The following MAP4 variants were observed in gnomAD, a reference collection of about 807,000 sequenced individuals.
The protein encoded by MAP4 is microtubule associated protein 4.
Under a neutral mutation model 170.2 loss-of-function variants are expected in MAP4, and 76 were observed. The observed-to-expected ratio is 0.45, with a 90% CI of 0.37 to 0.54. The LOEUF (loss-of-function observed/expected upper bound fraction) is 0.54. Ranked by LOEUF, MAP4 falls within the 20% of genes least tolerant of loss-of-function variation. The pLI is 0.00. For synonymous variants in MAP4, 909 were observed against 994.5 expected, an observed-to-expected ratio of 0.91 and a Z score of 1.62; for missense variants, 2,506 against 2,748.0, an observed-to-expected ratio of 0.91 and a Z score of 1.97.
Position 48,048,506 on chromosome 3 carries a change from CTTTTTTTTTTTTTT to C in MAP4, c.-20+40253_-20+40266del, listed in dbSNP as rs67709674. On this transcript the variant is annotated intron_variant, in intron 1 of 18. Coordinates refer to the MAP4 transcript ENST00000360240. ...TCAGGTAGATCCAGATCTCAATTAT[CTTTTTTTTTTTTTT>C]TTTTTTTTTTTTTTGAGACAAAGTC... Among the ~76,000 whole-genome samples the C allele has an allele frequency of 6.0e-5, 4 of 66,964 alleles. 1 individual carries two copies. The highest frequency in any genetic ancestry group is 5.1e-5 in the Non-Finnish European group (2 of 39,560). 43.9% of individuals were successfully genotyped at this position (66,964 alleles called of 152,430 possible). A position where few individuals can be genotyped will look rare whatever the true frequency, so the allele number is the denominator to read the frequency against.
chr3:47,973,254 C>T, intron 3 of MAP4: 1 of 979,870 alleles, frequency 1.0e-6, no homozygotes, highest in Non-Finnish European at 1.2e-6. Flanking sequence ...CAACATTGGG[C>T]CAAAAAAGGA....
At chr3:48,077,496 GT>G (rs1261158009) in intron 1 of MAP4, among the ~76,000 whole-genome samples, 8 of 151,382 alleles carry the variant, frequency 5.3e-5, no homozygotes, top group African/African-American at 1.9e-4. Context: ...TAATTTTCTG[GT>G]TTTAATTTTT....
In MAP4 at chr3:48,062,262, A is replaced by T. The variant is rs372021825; in HGVS notation, c.-20+26511T>A. 9.2e-4 allele frequency among the ~76,000 whole-genome samples: 132 copies of T among 143,840 alleles called. 1 individual carries two copies. In the East Asian group the frequency reaches 0.022, roughly 23 times the overall value. 94.4% of individuals were successfully genotyped at this position (143,840 alleles called of 152,430 possible). A position where few individuals can be genotyped will look rare whatever the true frequency, so the allele number is the denominator to read the frequency against. On this transcript the variant is annotated intron_variant, in intron 1 of 18. Transcript: ENST00000360240. Reference sequence around the variant, plus strand: ...TCAGGGTTAAATGGATTAAGGGCGGAGCAAGATGTGCTTTGTTAAACAGAT... The same window carrying T: ...TCAGGGTTAAATGGATTAAGGGCGGTGCAAGATGTGCTTTGTTAAACAGAT...
At chr3:48,050,317 T>A (rs1288866994) in intron 1 of MAP4, among the ~76,000 whole-genome samples, 1 of 151,588 alleles carries the variant, frequency 6.6e-6, no homozygotes, top group Non-Finnish European at 1.5e-5. Flanking sequence ...AGAAAATATT[T>A]GTGTTACATG....
At chr3:48,083,370 TA>T (rs1298575823) in intron 1 of MAP4, among the ~76,000 whole-genome samples, 1 of 152,120 alleles carries the variant, frequency 6.6e-6, no homozygotes. Context: ...AAGTTATAAA[TA>T]AAAAAATTTA....
At chr3:47,859,215 G>A (rs185905727) in intron 17 of MAP4, among the ~76,000 whole-genome samples, 1 of 152,244 alleles carries the variant, frequency 6.6e-6, no homozygotes, top group East Asian at 1.9e-4. Flanking sequence ...CCTGTGAGCG[G>A]CCCCGCTGTC....
intron 1 of MAP4, among the ~76,000 whole-genome samples, chr3:47,999,352 T>A (rs1056248973): frequency 1.1e-4 from 17 of 152,008 alleles, no homozygotes; most frequent in African/African-American, 4.1e-4. Flanking sequence ...TTGTGGATAG[T>A]CCTGTCAACC....
chr3:47,890,907 A>G, intron 10 of MAP4: 1 of 792,282 alleles, frequency 1.3e-6, no homozygotes, highest in Non-Finnish European at 1.9e-6. Context: ...AGCTTTCCCC[A>G]GGCAGTCACA....
At chr3:48,079,965 T>C (rs2100145799) in intron 1 of MAP4, among the ~76,000 whole-genome samples, 1 of 148,852 alleles carries the variant, frequency 6.7e-6, no homozygotes, top group South Asian at 2.1e-4. Flanking sequence ...AAAAAAAAAA[T>C]CTATAAATAA....
intron 3 of MAP4, among the ~76,000 whole-genome samples, chr3:47,933,672 C>T (rs2100051179): frequency 2.0e-5 from 3 of 148,496 alleles, no homozygotes; most frequent in Non-Finnish European, 3.0e-5. Context: ...GCGATCTGGG[C>T]TCACTGCAAG....
intron 17 of MAP4, among the ~76,000 whole-genome samples, chr3:47,859,213 C>T (rs1684942): frequency 0.39 from 58,603 of 152,000 alleles, 12,697 homozygotes; most frequent in African/African-American, 0.59. Context: ...TTCCTGTGAG[C>T]GGCCCCGCTG....
intron 3 of MAP4, among the ~76,000 whole-genome samples, chr3:47,977,029 C>T (rs1214013776): frequency 6.6e-6 from 1 of 152,110 alleles, no homozygotes; most frequent in East Asian, 1.9e-4. Flanking sequence ...TAGTAACTAC[C>T]TCCACTGCAA....
intron 1 of MAP4, among the ~76,000 whole-genome samples, chr3:48,044,678 G>A (rs935347998): frequency 2.6e-5 from 4 of 152,146 alleles, no homozygotes; most frequent in Non-Finnish European, 5.9e-5. Flanking sequence ...CAGGAGAATT[G>A]TTTGAACCTA....
At chr3:47,927,539 G>A (rs1321625564) in intron 4 of MAP4, among the ~76,000 whole-genome samples, 2 of 152,038 alleles carry the variant, frequency 1.3e-5, no homozygotes, top group African/African-American at 2.4e-5. Context: ...GCAGTGGCGC[G>A]ATCTCGGCTC....
chr3:48,086,891 G>C (rs142749779), intron 1 of MAP4, among the ~76,000 whole-genome samples: 2 of 152,302 alleles, frequency 1.3e-5, no homozygotes, highest in East Asian at 1.9e-4. Flanking sequence ...TCAAGCACTT[G>C]AATCATCCCA....
chr3:48,050,665 T>C (rs1030825605), intron 1 of MAP4, among the ~76,000 whole-genome samples: 1 of 151,164 alleles, frequency 6.6e-6, no homozygotes, highest in African/African-American at 2.4e-5. Context: ...TCCCAACACT[T>C]TGGGAGGCTG....
chr3:47,937,262 C>T (rs2100053501), intron 3 of MAP4, among the ~76,000 whole-genome samples: 1 of 151,986 alleles, frequency 6.6e-6, no homozygotes, highest in East Asian at 1.9e-4. Context: ...AGATGAAATA[C>T]TTGGTCATTT....
chr3:47,971,698 T>A (rs955616717), intron 3 of MAP4, among the ~76,000 whole-genome samples: 2 of 152,214 alleles, frequency 1.3e-5, no homozygotes, highest in African/African-American at 4.8e-5. Flanking sequence ...TAAGTCTTGT[T>A]AAACCTTCAC....
At chr3:47,877,242 T>C (rs2095627047) in intron 11 of MAP4, 175 bp downstream of exon 11, 1 of 566,960 alleles carries the variant, frequency 1.8e-6, no homozygotes, top group East Asian at 3.1e-5. Context: ...TAAAGTTGGT[T>C]TAGGCCACTG....
Sources: allele counts gnomAD v4.1 joint callset (sites outside exome capture counted in the v4.1 genomes callset), GRCh38; gene constraint gnomAD v4.1.1; transcripts MANE v1.5; gene names NCBI Gene and HGNC (gene_info 2026-07-23, HGNC 2026-07-21).